The following FBXW8 variants were observed in gnomAD, a reference collection of about 807,000 sequenced individuals.
The protein encoded by FBXW8 is F-box and WD repeat domain containing 8, also known as F-box/WD repeat-containing protein 8.
In FBXW8, 57 loss-of-function variants were observed where a neutral mutation model predicts 65.3. The ratio of observed to expected loss-of-function variants is 0.87; its 90% CI spans 0.71 to 1.09. The LOEUF is 1.09. FBXW8 is among the 50% of genes least tolerant of loss of function. The pLI, the probability that FBXW8 is intolerant of heterozygous loss-of-function variation, is 0.00. For missense variants in FBXW8, 777 were observed against 814.8 expected (o/e 0.95, Z 0.57); for synonymous variants, 308 against 330.2 (o/e 0.93, Z 0.73).
chr12:116,949,527 T>C (rs950623349), intron 3 of FBXW8, 91 bp from the exon 4 acceptor site: 4 of 1,068,536 alleles, frequency 3.7e-6, no homozygotes, highest in East Asian at 2.4e-5. Flanking sequence ...CTGTAGAGAA[T>C]TGCTGTGGAA....
rs151338590 is a variant in FBXW8 at position 116,988,759 on chromosome 12, G to T, written c.1129G>T (p.Ala377Ser). ...GTACCTGCTCAAAGCCGAAGACTCC[G>T]CCAGAACCCTCCTTTACGCCCACGG... Reference protein sequence around the residue: ...LMYLLKAEDSARTLLYAHGPP... With the variant: ...LMYLLKAEDSSRTLLYAHGPP... The change falls in exon 7 of 11, where the codon GCC becomes TCC. Residue 377 changes from alanine (A) to serine (S), a missense_variant. Transcript: ENST00000652555. 4 of 1,614,000 alleles carry T rather than the reference G, an allele frequency of 2.5e-6. No individual in the cohort carries two copies. In the South Asian group the frequency reaches 4.4e-5, roughly 18 times the overall value.
In FBXW8 at chr12:117,010,479, C is replaced by T. The variant is rs375370998; in HGVS notation, c.1367+29C>T. 1.1e-4 allele frequency: 183 copies of T among 1,614,018 alleles called. No homozygotes were observed. The African/African-American group carries it at 2.3e-3, about 21-fold the overall frequency. On this transcript the variant is annotated intron_variant, in intron 8 of 10. Coordinates refer to ENST00000652555, the MANE Select transcript of FBXW8 (RefSeq NM_153348.3). The stretch of plus-strand genomic sequence containing the variant: ...CGTGAGTTGGAAGGGCATTGCCTTG[C>T]AGCCCCATGGCTTCTGCCAAGGCCC...
intron 8 of FBXW8, 98 bp downstream of exon 8, chr12:117,010,548 G>GCT (rs1404219123): frequency 1.3e-6 from 2 of 1,539,082 alleles, no homozygotes; most frequent in African/African-American, 2.7e-5. Context: ...TCACTCAACA[G>GCT]CTCTGCCCAC....
intron 1 of FBXW8, among the ~76,000 whole-genome samples, chr12:116,913,601 T>C (rs1880168946): frequency 6.6e-6 from 1 of 152,208 alleles, no homozygotes; most frequent in Non-Finnish European, 1.5e-5. Flanking sequence ...TCATTCTCAT[T>C]GCCTTCATGC....
intron 8 of FBXW8, among the ~76,000 whole-genome samples, chr12:117,014,464 A>G (rs1953899845): frequency 6.6e-6 from 1 of 151,868 alleles, no homozygotes; most frequent in African/African-American, 2.4e-5. Context: ...AAAGGGTCAC[A>G]TTTTCCCGTT....
At chr12:116,985,707 C>A in intron 6 of FBXW8, 1 of 263,748 alleles carries the variant, frequency 3.8e-6, no homozygotes, top group Non-Finnish European at 7.2e-6. Context: ...CCTTGGCCTT[C>A]TTCAGACTAA....
At chr12:116,998,921 C>CA (rs1199651481) in intron 7 of FBXW8, among the ~76,000 whole-genome samples, 1 of 152,212 alleles carries the variant, frequency 6.6e-6, no homozygotes, top group Non-Finnish European at 1.5e-5. Context: ...CTTAGACTCA[C>CA]AAAATATTAC....
intron 1 of FBXW8, among the ~76,000 whole-genome samples, chr12:116,921,156 G>T (rs1290591629): frequency 6.6e-6 from 1 of 152,134 alleles, no homozygotes; most frequent in African/African-American, 2.4e-5. Context: ...TCTTGAAGCT[G>T]GAAAGCCTAT....
chr12:116,992,729 T>C (rs1953273509), intron 7 of FBXW8, among the ~76,000 whole-genome samples: 1 of 151,806 alleles, frequency 6.6e-6, no homozygotes, highest in Non-Finnish European at 1.5e-5. Flanking sequence ...AAAGGACATT[T>C]CATTCCTTTT....
In FBXW8 at chr12:116,949,719, G is replaced by A. The variant is rs192129939; in HGVS notation, c.677+13G>A. On this transcript the variant is annotated intron_variant, in intron 4 of 10. Coordinates refer to ENST00000652555, the MANE Select transcript of FBXW8 (RefSeq NM_153348.3). ...TGGTCATTGCGGGGTAAGCCAAACC[G>A]TTTCCACTGAGTGCTCTGCATCTGA... The A allele has an allele frequency of 2.1e-4, 339 of 1,612,476 alleles. 2 individuals are homozygous for A. The highest frequency in any genetic ancestry group is 1.6e-3 in the South Asian group (147 of 91,046).
chr12:116,932,090 G>A (rs557946884), intron 2 of FBXW8, among the ~76,000 whole-genome samples: 1 of 151,902 alleles, frequency 6.6e-6, no homozygotes, highest in Admixed American at 6.6e-5. Flanking sequence ...CTGCACCTGA[G>A]GTGATCACAT....
intron 1 of FBXW8, among the ~76,000 whole-genome samples, chr12:116,923,794 C>T (rs1881100034): frequency 6.6e-6 from 1 of 152,110 alleles, no homozygotes; most frequent in Non-Finnish European, 1.5e-5. Context: ...GATCTCGGCT[C>T]ACTGCAAGCT....
At chr12:117,017,716 C>T (rs1227648611) in intron 8 of FBXW8, among the ~76,000 whole-genome samples, 1 of 152,108 alleles carries the variant, frequency 6.6e-6, no homozygotes, top group Non-Finnish European at 1.5e-5. Context: ...TGCTTGTTCT[C>T]TTTGTTTTCT....
chr12:116,997,052 T>C (rs1953394378), intron 7 of FBXW8, among the ~76,000 whole-genome samples: 1 of 152,216 alleles, frequency 6.6e-6, no homozygotes, highest in Non-Finnish European at 1.5e-5. Context: ...ATTTTGTACA[T>C]GTTTAATATT....
chr12:116,947,299 C>G (rs541534575), intron 3 of FBXW8, among the ~76,000 whole-genome samples: 1 of 152,218 alleles, frequency 6.6e-6, no homozygotes, highest in South Asian at 2.1e-4. Flanking sequence ...CTGAACCAAA[C>G]ATGAGGGAGA....
chr12:116,919,711 C>A (rs940575527), intron 1 of FBXW8, among the ~76,000 whole-genome samples: 1 of 152,136 alleles, frequency 6.6e-6, no homozygotes, highest in African/African-American at 2.4e-5. Context: ...ATAATGTGGG[C>A]AAAATTGCTG....
intron 7 of FBXW8, among the ~76,000 whole-genome samples, chr12:117,005,950 C>T (rs142805241): frequency 8.5e-5 from 13 of 152,354 alleles, no homozygotes; most frequent in Non-Finnish European, 1.8e-4. Context: ...CAGCACAGCA[C>T]CTCCTAACCT....
intron 4 of FBXW8, among the ~76,000 whole-genome samples, chr12:116,963,469 T>A (rs1185585689): frequency 6.6e-6 from 1 of 152,026 alleles, no homozygotes; most frequent in Non-Finnish European, 1.5e-5. Flanking sequence ...CCGGACATGG[T>A]GGTGCACGCC....
intron 3 of FBXW8, among the ~76,000 whole-genome samples, chr12:116,946,298 C>T (rs1175203514): frequency 6.6e-6 from 1 of 152,200 alleles, no homozygotes; most frequent in Non-Finnish European, 1.5e-5. Flanking sequence ...CTGTCTGTCC[C>T]TACTCACCTC....
Sources: gnomAD v4.1 joint callset for allele counts (sites outside exome capture counted in the v4.1 genomes callset) on GRCh38, gnomAD v4.1.1 for gene constraint, MANE v1.5 for transcripts, NCBI Gene and HGNC (gene_info 2026-07-23, HGNC 2026-07-21) for gene names.